CAMK2D: variants seen among roughly 807,000 people sequenced by gnomAD.
CAMK2D encodes calcium/calmodulin-dependent protein kinase type II subunit delta.
A neutral mutation model predicts 84.0 loss-of-function variants in CAMK2D; 37 were observed. The ratio of observed to expected loss-of-function variants is 0.44; its 90% confidence interval spans 0.34 to 0.58. The LOEUF (loss-of-function observed/expected upper bound fraction) is 0.58, where lower values mean the gene tolerates loss of function less well. Ranked by LOEUF, CAMK2D falls within the 20% of genes least tolerant of loss-of-function variation. The pLI, the probability that CAMK2D is intolerant of heterozygous loss-of-function variation, is 0.02. For missense variants in CAMK2D, 448 were observed against 652.5 expected (o/e 0.69, Z 3.41); for synonymous variants, 202 against 212.5 (o/e 0.95, Z 0.43).
intron 8 of CAMK2D, among the ~76,000 whole-genome samples, chr4:113,530,288 A>G (rs2154181896): frequency 6.6e-6 from 1 of 152,346 alleles, no homozygotes; most frequent in South Asian, 2.1e-4. Context: ...CTAAACACAT[A>G]GCCTGAAGGT....
At chr4:113,618,770 C>T (rs1442785098) in intron 3 of CAMK2D, among the ~76,000 whole-genome samples, 1 of 151,992 alleles carries the variant, frequency 6.6e-6, no homozygotes, top group East Asian at 1.9e-4. Flanking sequence ...CTGGGAAAAA[C>T]ATGGGAGTTA....
chr4:113,596,773 T>C (rs539990560), intron 4 of CAMK2D, among the ~76,000 whole-genome samples: 3 of 152,164 alleles, frequency 2.0e-5, no homozygotes, highest in African/African-American at 2.4e-5. Flanking sequence ...GTTATATTTA[T>C]TGAGTACAGG....
chr4:113,487,164 C>T (rs889589764), intron 16 of CAMK2D, among the ~76,000 whole-genome samples: 2 of 152,124 alleles, frequency 1.3e-5, no homozygotes, highest in African/African-American at 2.4e-5. Context: ...TATCATCTAT[C>T]ATATTAGCTT....
At chr4:113,573,922 T>G (rs2098767222) in intron 4 of CAMK2D, among the ~76,000 whole-genome samples, 1 of 152,166 alleles carries the variant, frequency 6.6e-6, no homozygotes, top group South Asian at 2.1e-4. Flanking sequence ...GAGTCTCTCA[T>G]CAATATCCCT....
intron 2 of CAMK2D, among the ~76,000 whole-genome samples, chr4:113,689,379 G>C (rs1002416588): frequency 6.6e-6 from 1 of 152,216 alleles, no homozygotes; most frequent in African/African-American, 2.4e-5. Context: ...GAGAACAAGA[G>C]AACTCTCCAG....
intron 4 of CAMK2D, among the ~76,000 whole-genome samples, chr4:113,557,692 G>A (rs866176397): frequency 1.3e-5 from 2 of 152,098 alleles, no homozygotes; most frequent in African/African-American, 4.8e-5. Context: ...TTTGAGGCTG[G>A]TTTACTGAGT....
At chr4:113,687,084 T>A (rs917333646) in intron 2 of CAMK2D, among the ~76,000 whole-genome samples, 12 of 152,184 alleles carry the variant, frequency 7.9e-5, no homozygotes, top group Non-Finnish European at 1.6e-4. Context: ...CATGAGCACA[T>A]GCATTCTCTT....
At chr4:113,659,963 C>T (rs2099221525) in intron 3 of CAMK2D, among the ~76,000 whole-genome samples, 4 of 151,828 alleles carry the variant, frequency 2.6e-5, no homozygotes, top group Admixed American at 2.0e-4. Context: ...TTTTTTTTAC[C>T]CATAGTATCC....
chr4:113,614,468 T>G (rs898256742), intron 3 of CAMK2D, among the ~76,000 whole-genome samples: 1 of 152,138 alleles, frequency 6.6e-6, no homozygotes, highest in African/African-American at 2.4e-5. Context: ...CCTTAATATG[T>G]TTTCTACATT....
chr4:113,748,261 C>T (rs1382185875), intron 2 of CAMK2D, among the ~76,000 whole-genome samples: 1 of 151,236 alleles, frequency 6.6e-6, no homozygotes, highest in Non-Finnish European at 1.5e-5. Context: ...ATTTATCCAG[C>T]ACCTAGCAGA....
intron 18 of CAMK2D, among the ~76,000 whole-genome samples, chr4:113,458,144 C>A (rs2097327435): frequency 6.6e-6 from 1 of 152,200 alleles, no homozygotes; most frequent in African/African-American, 2.4e-5. Flanking sequence ...ATACTAGAGT[C>A]CATTCCATGA....
chr4:113,615,778 C>T (rs1049117175), intron 3 of CAMK2D, among the ~76,000 whole-genome samples: 11 of 152,154 alleles, frequency 7.2e-5, no homozygotes, highest in Admixed American at 2.6e-4. Context: ...AAGAGTCCTA[C>T]ATAGCATTTA....
chr4:113,530,195 G>A (rs1404551217), intron 8 of CAMK2D, among the ~76,000 whole-genome samples: 1 of 152,160 alleles, frequency 6.6e-6, no homozygotes, highest in African/African-American at 2.4e-5. Context: ...TTCAGATTTT[G>A]TAGTATTTAT....
chr4:113,542,404 T>TCTA (rs2098536033), intron 6 of CAMK2D, among the ~76,000 whole-genome samples: 2 of 152,108 alleles, frequency 1.3e-5, no homozygotes, highest in South Asian at 4.1e-4. Context: ...GGTTGATATA[T>TCTA]CTACTACCCA....
Position 113,669,010 on chromosome 4 carries a change from C to T in CAMK2D, c.161-7238G>A, listed in dbSNP as rs1262729995. Among the ~76,000 whole-genome samples the T allele has an allele frequency of 2.6e-5, 4 of 152,146 alleles. No individual in the cohort carries two copies. The East Asian group carries it at 7.7e-4, about 29-fold the overall frequency. ...AGGAATAAATATTGATATTTGATGGCACCATTCTTATGTTGTCCTACAGAA... is the reference window on the plus strand; with the variant it reads ...AGGAATAAATATTGATATTTGATGGTACCATTCTTATGTTGTCCTACAGAA... On this transcript the variant is annotated intron_variant, in intron 2 of 20. Transcript: ENST00000511664.
At chr4:113,602,216 T>C (rs976356523) in intron 4 of CAMK2D, among the ~76,000 whole-genome samples, 4 of 152,222 alleles carry the variant, frequency 2.6e-5, no homozygotes, top group African/African-American at 4.8e-5. Flanking sequence ...AAACGTTGTA[T>C]TGTACTGTAA....
intron 2 of CAMK2D, among the ~76,000 whole-genome samples, chr4:113,748,935 CA>C (rs2099610886): frequency 6.6e-6 from 1 of 151,652 alleles, no homozygotes; most frequent in African/African-American, 2.4e-5. Flanking sequence ...CTATACCTAA[CA>C]AATATTAATG....
chr4:113,609,892 A>G (rs1388462306), intron 3 of CAMK2D, among the ~76,000 whole-genome samples: 2 of 152,210 alleles, frequency 1.3e-5, no homozygotes, highest in African/African-American at 4.8e-5. Flanking sequence ...TGCCACTTTA[A>G]AATTTTCAAT....
At chr4:113,736,517 G>A (rs758964031) in intron 2 of CAMK2D, among the ~76,000 whole-genome samples, 1 of 152,160 alleles carries the variant, frequency 6.6e-6, no homozygotes, top group South Asian at 2.1e-4. Flanking sequence ...AACAAAGGAA[G>A]AAGCGGATAA....
Sources: allele counts gnomAD v4.1 joint callset (sites outside exome capture counted in the v4.1 genomes callset), GRCh38; gene constraint gnomAD v4.1.1; transcripts MANE v1.5; gene names NCBI Gene and HGNC (gene_info 2026-07-23, HGNC 2026-07-21).